The following MINDY2 variants were observed in gnomAD, a reference collection of about 807,000 sequenced individuals.
The protein encoded by MINDY2 is MINDY lysine 48 deubiquitinase 2.
In MINDY2, 52 loss-of-function variants were observed where a neutral mutation model predicts 68.2. The observed-to-expected ratio is 0.76, with a 90% CI of 0.61 to 0.96. The LOEUF is 0.96. Ranked by LOEUF, MINDY2 falls within the 40% of genes least tolerant of loss-of-function variation. MINDY2 has a pLI of 0.00. For synonymous variants in MINDY2, 372 were observed against 303.0 expected (o/e 1.23, Z -2.36); for missense variants, 881 against 773.4 (o/e 1.14, Z -1.65).
intron 4 of MINDY2, among the ~76,000 whole-genome samples, chr15:58,811,381 T>C (rs1357051649): frequency 6.6e-6 from 1 of 152,230 alleles, no homozygotes; most frequent in Non-Finnish European, 1.5e-5. Flanking sequence ...TGGCAGGAAG[T>C]AGACGACACA....
chr15:58,841,594 A>G (rs1355015953), intron 6 of MINDY2, among the ~76,000 whole-genome samples: 1 of 151,260 alleles, frequency 6.6e-6, no homozygotes, highest in African/African-American at 2.4e-5. Context: ...TAGTAGAGAC[A>G]CAGTTTCACC....
intron 2 of MINDY2, chr15:58,796,180 A>G (rs918994992): frequency 2.2e-6 from 1 of 455,270 alleles, no homozygotes; most frequent in Non-Finnish European, 4.4e-6. Context: ...AGGAGTAGGA[A>G]AAGGCTTAAT....
At position 58,797,506 on chromosome 15, in the gene MINDY2, TCAAACAAA is replaced by T. The variant is rs1333416733; in HGVS notation, c.899-4798_899-4791del. On this transcript the variant is annotated intron_variant, in intron 2 of 8. Coordinates refer to ENST00000559228, the MANE Select transcript of MINDY2 (RefSeq NM_001040450.3). ...CTGGGTGACAAAGTGAGACCCTATCTCAAACAAACAAACAAAAAAGATTAATTTTACCT... is the reference window on the plus strand; with the variant it reads ...CTGGGTGACAAAGTGAGACCCTATCTCAAACAAAAAAGATTAATTTTACCT... Among the ~76,000 whole-genome samples the T allele has an allele frequency of 2.6e-5, 4 of 152,302 alleles. No homozygotes were observed. The East Asian group carries it at 7.7e-4, about 29-fold the overall frequency.
At chr15:58,782,225 A>C (rs1239206101) in intron 1 of MINDY2, among the ~76,000 whole-genome samples, 2 of 152,154 alleles carry the variant, frequency 1.3e-5, no homozygotes, top group African/African-American at 4.8e-5. Context: ...TTCTACTAAA[A>C]AATCATGAAT....
At chr15:58,801,380 TAAAAAAAAAAA>T (rs1188514448) in intron 2 of MINDY2, among the ~76,000 whole-genome samples, 6 of 22,618 alleles carry the variant, frequency 2.7e-4, no homozygotes, top group East Asian at 1.7e-3. Context: ...CCCCATCTCT[TAAAAAAAAAAA>T]AAAAAAAAAA....
rs2033136631 is a variant in MINDY2 at position 58,858,798 on chromosome 15, G to T, written c.*4188G>T. The T allele has an allele frequency of 6.6e-6, 1 of 152,090 alleles. No homozygotes were observed. Among genetic ancestry groups the T allele is most frequent in the South Asian group, 2.1e-4 (1 of 4,830 alleles). The allele number at this position is 152,090 out of a possible 1,614,324, so 9.4% of individuals were successfully genotyped here. A position where few individuals can be genotyped will look rare whatever the true frequency, so the allele number is the denominator to read the frequency against. ...CTAATGTTTGATAAAATAAGATGGAGGCATTACAAATAGTCTACAGTTTGT... is the reference window on the plus strand; with the variant it reads ...CTAATGTTTGATAAAATAAGATGGATGCATTACAAATAGTCTACAGTTTGT... On this transcript the variant is annotated 3_prime_UTR_variant, in exon 9 of 9. Transcript: ENST00000559228.
chr15:58,777,094 A>T (rs1413063879), intron 1 of MINDY2, among the ~76,000 whole-genome samples: 1 of 152,222 alleles, frequency 6.6e-6, no homozygotes, highest in East Asian at 1.9e-4. Context: ...AAAGACTGAC[A>T]ATTAGTAGCA....
At position 58,819,632 on chromosome 15, in the gene MINDY2, G is replaced by C. The variant is rs563416200; in HGVS notation, c.1123-2085G>C. Among the ~76,000 whole-genome samples, 8 of 152,292 alleles carry C rather than the reference G, an allele frequency of 5.3e-5. No homozygotes were observed. In the South Asian group the frequency reaches 1.5e-3, roughly 28 times the overall value. On this transcript the variant is annotated intron_variant, in intron 4 of 8. Coordinates refer to ENST00000559228, the MANE Select transcript of MINDY2 (RefSeq NM_001040450.3). ...TAAATTGTTTGCATTACTGGTGTGA[G>C]CCACCACACCCAACTTAGTGTAGCT...
chr15:58,843,632 G>T (rs1051084231), intron 6 of MINDY2, among the ~76,000 whole-genome samples: 1 of 151,774 alleles, frequency 6.6e-6, no homozygotes, highest in Non-Finnish European at 1.5e-5. Context: ...AGTGGAGTTC[G>T]AGACCAGCCT....
At chr15:58,795,085 AGAATAGCGTGAACCTGG>A in intron 2 of MINDY2, among the ~76,000 whole-genome samples, 1 of 151,914 alleles carries the variant, frequency 6.6e-6, no homozygotes, top group Non-Finnish European at 1.5e-5. Flanking sequence ...CGGAGGCAGG[AGAATAGCGTGAACCTGG>A]GAGGCGGAGC....
At chr15:58,844,783 G>C (rs977416581) in intron 6 of MINDY2, among the ~76,000 whole-genome samples, 6 of 150,936 alleles carry the variant, frequency 4.0e-5, no homozygotes, top group Non-Finnish European at 7.4e-5. Flanking sequence ...CAGGCGTGGT[G>C]GTGTGCTCCT....
intron 6 of MINDY2, among the ~76,000 whole-genome samples, chr15:58,844,435 C>G (rs1469446017): frequency 6.6e-6 from 1 of 151,868 alleles, no homozygotes; most frequent in Non-Finnish European, 1.5e-5. Flanking sequence ...GCCTGTAGTC[C>G]CAGCTACTTG....
At chr15:58,774,492 G>GAAAA (rs11385535) in intron 1 of MINDY2, among the ~76,000 whole-genome samples, 2 of 92,828 alleles carry the variant, frequency 2.2e-5, no homozygotes, top group African/African-American at 7.1e-5. Context: ...CCCAAAAAAA[G>GAAAA]AAAAAAAAAA....
chr15:58,820,887 G>T (rs762080724), intron 4 of MINDY2, among the ~76,000 whole-genome samples: 3 of 151,678 alleles, frequency 2.0e-5, no homozygotes, highest in African/African-American at 4.8e-5. Context: ...TCTAAAATTT[G>T]TATTTGTTTT....
chr15:58,773,704 T>C (rs1794112852), intron 1 of MINDY2, among the ~76,000 whole-genome samples: 1 of 152,102 alleles, frequency 6.6e-6, no homozygotes, highest in African/African-American at 2.4e-5. Context: ...TTTTTTCGTT[T>C]GTTTGTTTGT....
intron 1 of MINDY2, among the ~76,000 whole-genome samples, chr15:58,779,605 C>G (rs1305598723): frequency 6.6e-6 from 1 of 152,168 alleles, no homozygotes; most frequent in Non-Finnish European, 1.5e-5. Context: ...TAGCCTCTGC[C>G]CACCTTGTTT....
At chr15:58,803,959 A>T (rs1490282819) in intron 3 of MINDY2, among the ~76,000 whole-genome samples, 1 of 150,522 alleles carries the variant, frequency 6.6e-6, no homozygotes, top group African/African-American at 2.4e-5. Flanking sequence ...AAAAAAAAAA[A>T]AAAAAAAAAA....
intron 7 of MINDY2, among the ~76,000 whole-genome samples, chr15:58,849,934 G>A (rs1194344193): frequency 1.3e-5 from 2 of 152,032 alleles, no homozygotes; most frequent in African/African-American, 2.4e-5. Flanking sequence ...GCAGGGTTTC[G>A]CCATGTTACC....
At chr15:58,850,657 C>T (rs1216514567) in intron 7 of MINDY2, among the ~76,000 whole-genome samples, 2 of 152,176 alleles carry the variant, frequency 1.3e-5, no homozygotes, top group African/African-American at 2.4e-5. Context: ...GATCACAGCT[C>T]ACTGCAGCCT....
Sources: allele counts gnomAD v4.1 joint callset (sites outside exome capture counted in the v4.1 genomes callset), GRCh38; gene constraint gnomAD v4.1.1; transcripts MANE v1.5; gene names NCBI Gene and HGNC (gene_info 2026-07-23, HGNC 2026-07-21).